The following RNLS variants were observed in gnomAD, a reference collection of about 807,000 sequenced individuals.
RNLS encodes the protein renalase, FAD dependent amine oxidase, also known as renalase.
In RNLS, 39 loss-of-function variants were observed where a neutral mutation model predicts 39.8. The observed-to-expected ratio is 0.98, with a 90% confidence interval of 0.76 to 1.28. The LOEUF (loss-of-function observed/expected upper bound fraction) is 1.28. Among genes scored for constraint, RNLS ranks in the 50% most tolerant of loss-of-function variants. The pLI, the probability that RNLS is intolerant of heterozygous loss-of-function variation, is 0.00. For synonymous variants in RNLS, 147 were observed against 150.7 expected, an observed-to-expected ratio of 0.98 and a Z score of 0.18; for missense variants, 410 against 413.3, an observed-to-expected ratio of 0.99 and a Z score of 0.07.
chr10:88,462,611 G>C (rs1230420281), intron 4 of RNLS, among the ~76,000 whole-genome samples: 1 of 151,814 alleles, frequency 6.6e-6, no homozygotes, highest in East Asian at 1.9e-4. Context: ...GAGGAGTCAG[G>C]CATTAAAAAA....
exon 7 of RNLS, chr10:88,274,560 G>A (rs972339863): frequency 4.0e-5 from 7 of 173,974 alleles, no homozygotes; most frequent in African/African-American, 1.4e-4. Flanking sequence ...CCCATTGTAT[G>A]TTTATACCAC....
the RNLS span, among the ~76,000 whole-genome samples, chr10:88,195,283 G>T: frequency 2.4e-4 from 36 of 152,278 alleles, no homozygotes; most frequent in South Asian, 6.2e-4. Context: ...TATCTGATTT[G>T]GGTCTGTCTT....
chr10:88,578,401 C>A (rs1850332367), intron 3 of RNLS, among the ~76,000 whole-genome samples: 1 of 151,856 alleles, frequency 6.6e-6, no homozygotes, highest in Non-Finnish European at 1.5e-5. Context: ...TGTGGAAAAA[C>A]CAAAATGTTT....
the RNLS span, among the ~76,000 whole-genome samples, chr10:88,225,880 C>G: frequency 2.6e-5 from 4 of 151,902 alleles, no homozygotes; most frequent in Non-Finnish European, 4.4e-5. Flanking sequence ...AAATGAAATG[C>G]GCTTAGCTAT....
At chr10:88,302,702 A>G (rs1051935856) in intron 6 of RNLS, among the ~76,000 whole-genome samples, 1 of 152,204 alleles carries the variant, frequency 6.6e-6, no homozygotes, top group African/African-American at 2.4e-5. Flanking sequence ...AGAGATGCCC[A>G]ATTTTATTGA....
intron 4 of RNLS, among the ~76,000 whole-genome samples, chr10:88,543,732 G>A (rs976674697): frequency 6.6e-6 from 1 of 152,138 alleles, no homozygotes; most frequent in Non-Finnish European, 1.5e-5. Context: ...GATTCTGAAT[G>A]CATTAAAATG....
At chr10:88,530,781 A>AT (rs1721056994) in intron 4 of RNLS, among the ~76,000 whole-genome samples, 1 of 152,082 alleles carries the variant, frequency 6.6e-6, no homozygotes, top group South Asian at 2.1e-4. Flanking sequence ...AAAATATAAC[A>AT]TTTTTCTCAC....
the RNLS span, among the ~76,000 whole-genome samples, chr10:88,176,698 G>A: frequency 6.6e-6 from 1 of 151,778 alleles, no homozygotes; most frequent in Admixed American, 6.6e-5. Context: ...AGTGAATTTT[G>A]TACTTTTGTG....
chr10:88,483,446 G>A (rs771041684), intron 4 of RNLS, among the ~76,000 whole-genome samples: 46 of 152,010 alleles, frequency 3.0e-4, no homozygotes, highest in African/African-American at 7.2e-4. Flanking sequence ...TCCTAAGCCC[G>A]ATAAATTTCC....
At position 88,581,728 on chromosome 10, in the gene RNLS, T is replaced by C; in HGVS notation, c.225-19A>G. 4 of 1,503,552 alleles carry C rather than the reference T, an allele frequency of 2.7e-6. No individual in the cohort carries two copies. The highest frequency in any genetic ancestry group is 2.2e-5 in the Admixed American group (1 of 46,404). The allele number at this position is 1,503,552 out of a possible 1,614,324, so 93.1% of individuals were successfully genotyped here. A position where few individuals can be genotyped will look rare whatever the true frequency, so the allele number is the denominator to read the frequency against. Reference sequence around the variant, plus strand: ...ATAAAAACTGAAATAAATCAATATGTATATTTAATGTAATTATATACCATG... The same window carrying C: ...ATAAAAACTGAAATAAATCAATATGCATATTTAATGTAATTATATACCATG... On this transcript the variant is annotated intron_variant, in intron 2 of 6. Transcript: ENST00000331772.
intron 5 of RNLS, among the ~76,000 whole-genome samples, chr10:88,347,452 T>G (rs1450678499): frequency 6.6e-6 from 1 of 152,086 alleles, no homozygotes; most frequent in Non-Finnish European, 1.5e-5. Flanking sequence ...CTGTTTTAAT[T>G]CAAAATAAGG....
At position 88,309,319 on chromosome 10, in the gene RNLS, G is replaced by C. The variant is rs996046937; in HGVS notation, c.876+5147C>G. 23 of 1,002,194 alleles carry C rather than the reference G, an allele frequency of 2.3e-5. No individual in the cohort carries two copies. In the African/African-American group the frequency reaches 3.2e-4, roughly 14 times the overall value. 62.1% of individuals were successfully genotyped at this position (1,002,194 alleles called of 1,614,324 possible). On this transcript the variant is annotated intron_variant, in intron 6 of 6. Transcript: ENST00000331772. The stretch of plus-strand genomic sequence containing the variant: ...AGAAAAAGAAAATGCATGGGAAAAA[G>C]CAAGAAAAAATTAAAATATCAATCA...
At chr10:88,197,784 C>T in the RNLS span, among the ~76,000 whole-genome samples, 1 of 152,142 alleles carries the variant, frequency 6.6e-6, no homozygotes, top group Non-Finnish European at 1.5e-5. Context: ...TAGGAGTTTG[C>T]TCTTGCTAAA....
At chr10:88,293,576 T>C (rs1470695567) in intron 6 of RNLS, among the ~76,000 whole-genome samples, 1 of 152,188 alleles carries the variant, frequency 6.6e-6, no homozygotes, top group Non-Finnish European at 1.5e-5. Context: ...TTGGGTTTAT[T>C]CTTTTGTTTA....
intron 5 of RNLS, among the ~76,000 whole-genome samples, chr10:88,355,246 G>A (rs773678163): frequency 2.0e-4 from 31 of 152,148 alleles, no homozygotes; most frequent in Non-Finnish European, 3.2e-4. Context: ...GTTTTGTTCC[G>A]TTGCTGGTGA....
In RNLS at chr10:88,285,496, G is replaced by T. The variant is rs1198962003; in HGVS notation, c.887C>A (p.Ala296Asp). 2 of 1,612,680 alleles carry T rather than the reference G, an allele frequency of 1.2e-6. No individual in the cohort carries two copies. Among genetic ancestry groups the T allele is most frequent in the East Asian group, 4.5e-5 (2 of 44,850 alleles). Residue 296 changes from alanine (A) to aspartate (D), a missense_variant, in exon 7 of 7, where the codon GCT becomes GAT. Transcript: ENST00000331772. ...QKWRHSQVTN[A>D]AANCPGQMTL... ...CATTTGGCCAGGACAGTTGGCAGCA[G>T]CATTTGTAACCTGAAAAAGTAAAAA... is the stretch of plus-strand genomic sequence containing the variant.
the RNLS span, among the ~76,000 whole-genome samples, chr10:88,231,968 G>GTGTC: frequency 7.0e-6 from 1 of 142,178 alleles, no homozygotes; most frequent in Non-Finnish European, 1.5e-5. Flanking sequence ...GTGTGTGTGT[G>GTGTC]TGTCTGTCTC....
chr10:88,330,030 G>A (rs367672325), intron 5 of RNLS, among the ~76,000 whole-genome samples: 11 of 147,260 alleles, frequency 7.5e-5, no homozygotes, highest in Admixed American at 4.7e-4. Flanking sequence ...CTTGTTGGAC[G>A]ACTATTGCTC....
At chr10:88,187,217 T>TA in the RNLS span, among the ~76,000 whole-genome samples, 50 of 140,164 alleles carry the variant, frequency 3.6e-4, 1 homozygote, top group Non-Finnish European at 4.9e-4. Flanking sequence ...AATATATATA[T>TA]ATAGGACTTG....
Sources: allele counts gnomAD v4.1 joint callset (sites outside exome capture counted in the v4.1 genomes callset), GRCh38; gene constraint gnomAD v4.1.1; transcripts MANE v1.5; gene names NCBI Gene and HGNC (gene_info 2026-07-23, HGNC 2026-07-21).